ARHGEF3: variants seen among roughly 807,000 people sequenced by gnomAD.
ARHGEF3 encodes the protein 59.8 kDA protein.
In ARHGEF3, 28 loss-of-function variants were observed where a neutral mutation model predicts 63.2. The ratio of observed to expected loss-of-function variants is 0.44; its 90% CI spans 0.33 to 0.61. The LOEUF (loss-of-function observed/expected upper bound fraction) is 0.61, where lower values mean the gene tolerates loss of function less well. Among genes scored for constraint, ARHGEF3 ranks in the 20% least tolerant of loss-of-function variants. ARHGEF3 has a pLI of 0.03. For synonymous variants in ARHGEF3, 266 were observed against 254.2 expected (o/e 1.05, Z -0.44); for missense variants, 533 against 659.3 (o/e 0.81, Z 2.10).
chr3:56,944,535 T>C (rs1288586501), intron 3 of ARHGEF3, among the ~76,000 whole-genome samples: 1 of 150,950 alleles, frequency 6.6e-6, no homozygotes, highest in Non-Finnish European at 1.5e-5. Flanking sequence ...GGATGGGGAG[T>C]TGCTTCTTAT....
intron 3 of ARHGEF3, among the ~76,000 whole-genome samples, chr3:56,956,691 G>T (rs1700057567): frequency 6.6e-6 from 1 of 152,064 alleles, no homozygotes; most frequent in African/African-American, 2.4e-5. Flanking sequence ...TTGGATGGTT[G>T]GTCACTCCAC....
intron 4 of ARHGEF3, among the ~76,000 whole-genome samples, chr3:56,819,511 G>GTTT (rs11391422): frequency 2.2e-5 from 3 of 138,480 alleles, no homozygotes; most frequent in African/African-American, 2.7e-5. Flanking sequence ...CCAGGTGGCA[G>GTTT]TTTTTTTTTT....
At chr3:57,048,361 A>T (rs975952549) in intron 1 of ARHGEF3, among the ~76,000 whole-genome samples, 1 of 152,178 alleles carries the variant, frequency 6.6e-6, no homozygotes, top group East Asian at 1.9e-4. Flanking sequence ...TGGGTGGAGG[A>T]GAATTAACTG....
Position 56,829,114 on chromosome 3 carries a change from C to T in ARHGEF3, c.192+53178G>A, listed in dbSNP as rs568172941. 1.4e-4 allele frequency among the ~76,000 whole-genome samples: 22 copies of T among 152,026 alleles called. No individual in the cohort carries two copies. In the South Asian group the frequency reaches 3.5e-3, roughly 24 times the overall value. On this transcript the variant is annotated intron_variant, in intron 4 of 12. Transcript: ENST00000338458. The stretch of plus-strand genomic sequence containing the variant: ...CTAAGTTTTGTATTTTTAGTAAAGA[C>T]GGGGTTCCATCATGTTGGCCAGGCT...
At chr3:57,028,077 C>A (rs2107192241) in intron 2 of ARHGEF3, among the ~76,000 whole-genome samples, 1 of 150,796 alleles carries the variant, frequency 6.6e-6, no homozygotes, top group Non-Finnish European at 1.5e-5. Context: ...AATAGGAACA[C>A]TTTTACACTG....
At position 57,007,149 on chromosome 3, in the gene ARHGEF3, C is replaced by T. The variant is rs546623760; in HGVS notation, c.62+27939G>A. ...CACTTTTGTTTTTATGTTATTCATC[C>T]ATAAAGAATTAATAAATAAGGTGCT... On this transcript the variant is annotated intron_variant, in intron 2 of 12. Transcript: ENST00000338458. 1.3e-4 allele frequency: 157 copies of T among 1,238,840 alleles called. No individual in the cohort carries two copies. The African/African-American group carries it at 2.3e-3, about 18-fold the overall frequency. 76.7% of individuals were successfully genotyped at this position (1,238,840 alleles called of 1,614,324 possible).
rs1705601519 is a variant in ARHGEF3, at chr3:57,067,365, G to A, written c.-28+11861C>T. 1.3e-5 allele frequency among the ~76,000 whole-genome samples: 2 copies of A among 151,564 alleles called. 1 individual carries two copies. The highest frequency in any genetic ancestry group is 4.1e-4 in the South Asian group (2 of 4,820). ...AGTTACTCGGGAGGCTGAGGCGGGAGAATGGCGTGAACCCAGGAGGCAGAG... is the reference window on the plus strand; with the variant it reads ...AGTTACTCGGGAGGCTGAGGCGGGAAAATGGCGTGAACCCAGGAGGCAGAG... On this transcript the variant is annotated intron_variant, in intron 1 of 12. Coordinates refer to the ARHGEF3 transcript ENST00000338458.
chr3:56,756,802 G>A (rs2107777857), intron 2 of ARHGEF3, among the ~76,000 whole-genome samples: 1 of 152,242 alleles, frequency 6.6e-6, no homozygotes, highest in African/African-American at 2.4e-5. Context: ...GCCCGCCTCG[G>A]CCTCCCGAAG....
chr3:56,907,667 C>A (rs779207011), intron 3 of ARHGEF3, among the ~76,000 whole-genome samples: 1 of 152,166 alleles, frequency 6.6e-6, no homozygotes, highest in Non-Finnish European at 1.5e-5. Flanking sequence ...TACATATACA[C>A]CATGGAATAC....
At chr3:56,958,867 T>C (rs370125871) in exon 3 of ARHGEF3, 18 of 1,551,524 alleles carry the variant, frequency 1.2e-5, no homozygotes, top group Middle Eastern at 3.3e-4. Context: ...ATGGGAAAGT[T>C]GTTTTGCCGC....
chr3:57,074,167 C>T lies in ARHGEF3; in HGVS notation c.-28+5059G>A, dbSNP rs1405547984. Reference sequence around the variant, plus strand: ...GATATAGATGCCGAGCCCAGTAGCACAGGGTGCAGCCGTTCAAACCAACTG... The same window carrying T: ...GATATAGATGCCGAGCCCAGTAGCATAGGGTGCAGCCGTTCAAACCAACTG... On this transcript the variant is annotated intron_variant, in intron 1 of 12. Coordinates refer to the ARHGEF3 transcript ENST00000338458. The T allele has an allele frequency of 1.2e-6, 2 of 1,614,052 alleles. No homozygotes were observed. The highest frequency in any genetic ancestry group is 2.7e-5 in the African/African-American group (2 of 74,912).
intron 3 of ARHGEF3, chr3:56,940,190 C>A (rs1699105647): frequency 6.6e-6 from 1 of 152,180 alleles, no homozygotes; most frequent in African/African-American, 2.4e-5. Flanking sequence ...ACTTCTGAGC[C>A]TCCACTGCAT....
At chr3:56,784,615 CTTGGGTGGGG>C (rs2036712713) in intron 1 of ARHGEF3, among the ~76,000 whole-genome samples, 1 of 152,140 alleles carries the variant, frequency 6.6e-6, no homozygotes, top group African/African-American at 2.4e-5. Context: ...CTCGCTTCCC[CTTGGGTGGGG>C]TTGGAGAAGG....
chr3:56,826,489 C>A (rs1449810594), intron 4 of ARHGEF3, among the ~76,000 whole-genome samples: 1 of 152,108 alleles, frequency 6.6e-6, no homozygotes, highest in Non-Finnish European at 1.5e-5. Flanking sequence ...GCATAATAAC[C>A]TATTGATACA....
chr3:56,906,948 T>A (rs372146467), intron 3 of ARHGEF3, among the ~76,000 whole-genome samples: 2 of 150,074 alleles, frequency 1.3e-5, no homozygotes, highest in African/African-American at 4.9e-5. Flanking sequence ...CTAAGAAACT[T>A]AAAATCGCGA....
intron 1 of ARHGEF3, chr3:57,074,305 T>C (rs1301694386): frequency 1.2e-5 from 19 of 1,573,782 alleles, no homozygotes; most frequent in Non-Finnish European, 1.6e-5. Context: ...GTCTGGCAGC[T>C]GTTTGTCTGG....
chr3:56,921,286 A>G lies in ARHGEF3; in HGVS notation c.129+37537T>C, dbSNP rs148100831. On this transcript the variant is annotated intron_variant, in intron 3 of 12. Coordinates refer to the ARHGEF3 transcript ENST00000338458. ...GTAGCCGTGACCAAATTAAAATAATATATTGCACACTGGCTTACCCAAGGT... is the reference window on the plus strand; with the variant it reads ...GTAGCCGTGACCAAATTAAAATAATGTATTGCACACTGGCTTACCCAAGGT... 3.5e-4 allele frequency among the ~76,000 whole-genome samples: 53 copies of G among 152,208 alleles called. 1 individual carries two copies. In the South Asian group the frequency reaches 3.7e-3, roughly 11 times the overall value.
At chr3:56,838,500 A>G (rs1455540222) in intron 4 of ARHGEF3, among the ~76,000 whole-genome samples, 2 of 152,364 alleles carry the variant, frequency 1.3e-5, no homozygotes, top group East Asian at 3.9e-4. Context: ...AAATACACAC[A>G]GTAATGTTCT....
chr3:56,992,804 G>A (rs1701815875), intron 2 of ARHGEF3, among the ~76,000 whole-genome samples: 1 of 152,182 alleles, frequency 6.6e-6, no homozygotes, highest in Non-Finnish European at 1.5e-5. Flanking sequence ...CCTGCACCAA[G>A]TCAATACCTG....
Sources: gnomAD v4.1 joint callset for allele counts (sites outside exome capture counted in the v4.1 genomes callset) on GRCh38, gnomAD v4.1.1 for gene constraint, MANE v1.5 for transcripts, NCBI Gene and HGNC (gene_info 2026-07-23, HGNC 2026-07-21) for gene names.